The following ADAMTS12 variants were observed in gnomAD, a reference collection of about 807,000 sequenced individuals.
The protein encoded by ADAMTS12 is A disintegrin and metalloproteinase with thrombospondin motifs 12.
ADAMTS12 carries 118 observed loss-of-function variants against 167.8 expected under a neutral mutation model. The ratio of observed to expected loss-of-function variants is 0.70; its 90% confidence interval spans 0.61 to 0.82. The LOEUF (loss-of-function observed/expected upper bound fraction) is 0.82. Ranked by LOEUF, ADAMTS12 falls within the 40% of genes least tolerant of loss-of-function variation. ADAMTS12 has a pLI of 0.00. For synonymous variants in ADAMTS12, 704 were observed against 716.9 expected, an observed-to-expected ratio of 0.98 and a Z score of 0.29; for missense variants, 1,916 against 1,998.8, an observed-to-expected ratio of 0.96 and a Z score of 0.79.
rs149699462 is a variant in ADAMTS12, at chr5:33,881,229, A to G, written c.379T>C (p.Ser127Pro). ...GAGGAAGCCATCATCTTAACATGGGAGAGGTTCCCATATCTCTTCTCCATG... is the reference window on the plus strand; with the variant it reads ...GAGGAAGCCATCATCTTAACATGGGGGAGGTTCCCATATCTCTTCTCCATG... ...YIMEKRYGNLSHVKMMASSAP... is the reference protein window; with the variant it reads ...YIMEKRYGNLPHVKMMASSAP... The change falls in exon 2 of 24, where the codon TCC (serine) becomes CCC (proline). Residue 127 changes from serine to proline, a missense_variant. Coordinates refer to ENST00000504830, the MANE Select transcript of ADAMTS12 (RefSeq NM_030955.4). 1.9e-6 allele frequency: 3 copies of G among 1,614,056 alleles called. No individual in the cohort carries two copies. The African/African-American group carries it at 4.0e-5, about 22-fold the overall frequency.
intron 2 of ADAMTS12, among the ~76,000 whole-genome samples, chr5:33,782,164 T>G (rs1453205520): frequency 1.3e-5 from 2 of 152,070 alleles, no homozygotes; most frequent in Non-Finnish European, 2.9e-5. Flanking sequence ...ATGCCAACAG[T>G]GTATTAATGG....
At chr5:33,572,775 AG>A (rs1355836851) in intron 19 of ADAMTS12, among the ~76,000 whole-genome samples, 1 of 148,052 alleles carries the variant, frequency 6.8e-6, no homozygotes, top group East Asian at 2.0e-4. Context: ...AAGGAAACAA[AG>A]GGTATTCAAT....
chr5:33,541,503 G>A (rs1198345334), intron 22 of ADAMTS12, among the ~76,000 whole-genome samples: 1 of 152,138 alleles, frequency 6.6e-6, no homozygotes, highest in Non-Finnish European at 1.5e-5. Flanking sequence ...GATACTCCTC[G>A]AGAAGAGCAA....
chr5:33,729,804 A>G (rs941517861), intron 3 of ADAMTS12, among the ~76,000 whole-genome samples: 1 of 152,202 alleles, frequency 6.6e-6, no homozygotes, highest in African/African-American at 2.4e-5. Context: ...ATAAAGGAAG[A>G]GACACTGGCA....
chr5:33,735,225 T>A (rs1436455773), intron 3 of ADAMTS12, among the ~76,000 whole-genome samples: 1 of 152,178 alleles, frequency 6.6e-6, no homozygotes, highest in East Asian at 1.9e-4. Context: ...AAAGTTAAAA[T>A]GCAGATACTG....
intron 2 of ADAMTS12, among the ~76,000 whole-genome samples, chr5:33,841,037 T>C (rs1469802328): frequency 6.6e-6 from 1 of 152,196 alleles, no homozygotes; most frequent in Non-Finnish European, 1.5e-5. Context: ...GTGGCACATA[T>C]GGCCAATTGA....
At chr5:33,676,707 C>CAGAG (rs66523760) in intron 5 of ADAMTS12, among the ~76,000 whole-genome samples, 28 of 149,018 alleles carry the variant, frequency 1.9e-4, no homozygotes, top group Admixed American at 4.6e-4. Context: ...CACACACACA[C>CAGAG]AGAGAGAGAG....
chr5:33,872,505 C>T (rs1317344105), intron 2 of ADAMTS12, among the ~76,000 whole-genome samples: 1 of 151,186 alleles, frequency 6.6e-6, no homozygotes, highest in Non-Finnish European at 1.5e-5. Context: ...CGAGATTGTG[C>T]TACTGCACTC....
intron 3 of ADAMTS12, among the ~76,000 whole-genome samples, chr5:33,745,275 A>G (rs1181798875): frequency 2.0e-5 from 3 of 152,182 alleles, no homozygotes; most frequent in Non-Finnish European, 2.9e-5. Context: ...GCCTCCACCC[A>G]AGGCAGATGG....
At chr5:33,881,828 C>T (rs1423693) in intron 1 of ADAMTS12, among the ~76,000 whole-genome samples, 34,981 of 151,160 alleles carry the variant, frequency 0.23, 4,581 homozygotes, top group Admixed American at 0.33. Flanking sequence ...CCTGCCCTGC[C>T]CTTCCAAAGT....
chr5:33,672,073 C>T lies in ADAMTS12; in HGVS notation c.916-10033G>A, dbSNP rs1342110080. On this transcript the variant is annotated intron_variant, in intron 5 of 23. Coordinates refer to ENST00000504830, the MANE Select transcript of ADAMTS12 (RefSeq NM_030955.4). Reference sequence around the variant, plus strand: ...CATACACACTCACATACATACAAACCCACATACATACACACACATCCACAC... The same window carrying T: ...CATACACACTCACATACATACAAACTCACATACATACACACACATCCACAC... Among the ~76,000 whole-genome samples the T allele has an allele frequency of 6.6e-5, 4 of 60,416 alleles. No individual in the cohort carries two copies. The South Asian group carries it at 4.2e-3, about 64-fold the overall frequency. The allele number at this position is 60,416 out of a possible 152,430, so 39.6% of individuals were successfully genotyped here.
At chr5:33,790,816 T>C (rs1403325727) in intron 2 of ADAMTS12, among the ~76,000 whole-genome samples, 1 of 148,520 alleles carries the variant, frequency 6.7e-6, no homozygotes, top group Non-Finnish European at 1.5e-5. Context: ...TATATGCATG[T>C]TGATATATAT....
chr5:33,530,240 G>A (rs1744033277), intron 23 of ADAMTS12, among the ~76,000 whole-genome samples: 2 of 151,848 alleles, frequency 1.3e-5, no homozygotes, highest in Admixed American at 6.6e-5. Context: ...TTTTCTTTTT[G>A]TTTCAGATTT....
At chr5:33,752,605 T>C (rs762353821) in intron 2 of ADAMTS12, among the ~76,000 whole-genome samples, 1 of 152,238 alleles carries the variant, frequency 6.6e-6, no homozygotes, top group African/African-American at 2.4e-5. Flanking sequence ...CATTAGGCTC[T>C]TTCTGGATCT....
At chr5:33,625,735 C>T (rs754705208) in intron 13 of ADAMTS12, among the ~76,000 whole-genome samples, 2 of 152,170 alleles carry the variant, frequency 1.3e-5, no homozygotes, top group Non-Finnish European at 2.9e-5. Flanking sequence ...CCCATGTCCC[C>T]AACATTCTGT....
intron 3 of ADAMTS12, among the ~76,000 whole-genome samples, chr5:33,749,117 C>G (rs947044487): frequency 1.3e-5 from 2 of 152,126 alleles, no homozygotes; most frequent in African/African-American, 4.8e-5. Flanking sequence ...GTTTCATCTT[C>G]TTGGCTATGA....
chr5:33,610,759 AC>A (rs1209628862), intron 16 of ADAMTS12, among the ~76,000 whole-genome samples: 1 of 152,236 alleles, frequency 6.6e-6, no homozygotes, highest in Non-Finnish European at 1.5e-5. Flanking sequence ...GGAATAGTAC[AC>A]AACCCTTAAA....
chr5:33,738,239 T>C (rs1744435979), intron 3 of ADAMTS12, among the ~76,000 whole-genome samples: 1 of 152,072 alleles, frequency 6.6e-6, no homozygotes, highest in Middle Eastern at 3.2e-3. Flanking sequence ...CCCTGATAAA[T>C]ACCCTTCTCC....
intron 5 of ADAMTS12, among the ~76,000 whole-genome samples, chr5:33,675,160 C>A (rs1240977196): frequency 1.3e-5 from 2 of 152,132 alleles, no homozygotes; most frequent in African/African-American, 4.8e-5. Flanking sequence ...GTGACCTAGT[C>A]TGTGATATTC....
Sources: gnomAD v4.1 joint callset for allele counts (sites outside exome capture counted in the v4.1 genomes callset) on GRCh38, gnomAD v4.1.1 for gene constraint, MANE v1.5 for transcripts, NCBI Gene and HGNC (gene_info 2026-07-23, HGNC 2026-07-21) for gene names.